The following DENND1B variants were observed in gnomAD, a reference collection of about 807,000 sequenced individuals.
The protein encoded by DENND1B is DENN domain containing 1B.
A neutral mutation model predicts 90.1 loss-of-function variants in DENND1B; 59 were observed. That is an observed-to-expected ratio of 0.65 (90% CI 0.53 to 0.81). The LOEUF (loss-of-function observed/expected upper bound fraction) is 0.81. Among genes scored for constraint, DENND1B ranks in the 40% least tolerant of loss-of-function variants. The pLI, the probability that DENND1B is intolerant of heterozygous loss-of-function variation, is 0.00. For synonymous variants in DENND1B, 337 were observed against 324.6 expected (o/e 1.04, Z -0.41); for missense variants, 862 against 912.6 (o/e 0.94, Z 0.71).
At chr1:197,776,774 G>A (rs754936676), upstream of DENND1B, among the ~76,000 whole-genome samples, 1 of 151,864 alleles carries the variant, frequency 6.6e-6, no homozygotes, top group Non-Finnish European at 1.5e-5. Context: ...TATAGCCATG[G>A]GCCTGTTAGT....
At chr1:197,645,871 G>T in intron 8 of DENND1B, 128 bp from the exon 9 acceptor site, 1 of 542,962 alleles carries the variant, frequency 1.8e-6, no homozygotes, top group Non-Finnish European at 3.1e-6. Flanking sequence ...TTCAGGATTT[G>T]TTGAATTTGA....
chr1:197,582,399 A>C (rs1674321882), intron 15 of DENND1B, among the ~76,000 whole-genome samples: 1 of 152,172 alleles, frequency 6.6e-6, no homozygotes, highest in Non-Finnish European at 1.5e-5. Context: ...CCCTGAGCAC[A>C]GTTTATGACA....
intron 15 of DENND1B, among the ~76,000 whole-genome samples, chr1:197,564,108 A>T (rs544616034): frequency 1.3e-5 from 2 of 152,096 alleles, no homozygotes; most frequent in East Asian, 3.9e-4. Context: ...GATGCTGTGA[A>T]GAGTGTTGAC....
At chr1:197,531,403 T>C (rs1253338354) in intron 20 of DENND1B, among the ~76,000 whole-genome samples, 19 of 950 alleles carry the variant, frequency 0.02, 1 homozygote, top group African/African-American at 0.02. Context: ...TTTTTTTTTT[T>C]TCTTTTTTTT....
chr1:197,638,498 T>G (rs909493044), intron 10 of DENND1B, among the ~76,000 whole-genome samples: 1 of 152,098 alleles, frequency 6.6e-6, no homozygotes, highest in African/African-American at 2.4e-5. Context: ...TGAGACAAAA[T>G]GCACAGCCCC....
In DENND1B at chr1:197,508,733, T is replaced by G. The variant is rs954811283; in HGVS notation, c.*1727A>C. ...AAAAGAAATGTAAAAAAAATCATGA[T>G]TGGGGATGTATAAAGTGGATATACT... On this transcript the variant is annotated 3_prime_UTR_variant, in exon 23 of 23. Coordinates refer to ENST00000620048, the MANE Select transcript of DENND1B (RefSeq NM_001195215.2). 2.0e-5 allele frequency: 3 copies of G among 151,704 alleles called. No individual in the cohort carries two copies. Among genetic ancestry groups the G allele is most frequent in the African/African-American group, 4.8e-5 (2 of 41,364 alleles). 9.4% of individuals were successfully genotyped at this position (151,704 alleles called of 1,614,324 possible).
intron 10 of DENND1B, among the ~76,000 whole-genome samples, chr1:197,640,289 A>G (rs1433566423): frequency 1.3e-5 from 2 of 152,072 alleles, no homozygotes; most frequent in African/African-American, 4.8e-5. Context: ...CCTGACCAAC[A>G]TAGTGAAACC....
chr1:197,628,195 C>CA (rs1678963999), intron 10 of DENND1B, among the ~76,000 whole-genome samples: 1 of 151,868 alleles, frequency 6.6e-6, no homozygotes, highest in Non-Finnish European at 1.5e-5. Flanking sequence ...CATATAGAAC[C>CA]AAAAAAGAGC....
chr1:197,640,990 A>G (rs1034867175), intron 10 of DENND1B, among the ~76,000 whole-genome samples: 1 of 152,222 alleles, frequency 6.6e-6, no homozygotes. Flanking sequence ...CCTTCCTTAC[A>G]TAAAATGGAA....
At chr1:197,607,581 A>G (rs573651593) in intron 12 of DENND1B, among the ~76,000 whole-genome samples, 1 of 150,994 alleles carries the variant, frequency 6.6e-6, no homozygotes, top group Non-Finnish European at 1.5e-5. Context: ...ACATAAACCA[A>G]TAACTATGAC....
intron 14 of DENND1B, among the ~76,000 whole-genome samples, chr1:197,583,648 G>A (rs567532589): frequency 3.9e-4 from 59 of 152,168 alleles, no homozygotes; most frequent in African/African-American, 1.3e-3. Context: ...TTTGACATTC[G>A]CACTTAGTTG....
At chr1:197,539,566 A>G (rs1051696273) in intron 20 of DENND1B, among the ~76,000 whole-genome samples, 2 of 152,234 alleles carry the variant, frequency 1.3e-5, no homozygotes, top group Non-Finnish European at 2.9e-5. Flanking sequence ...ATAGACTTAT[A>G]GTAGTTCAGA....
intron 1 of DENND1B, chr1:197,774,721 AACC>A: frequency 6.4e-6 from 1 of 156,770 alleles, no homozygotes; most frequent in Admixed American, 6.5e-5. Flanking sequence ...TCGGAATAAT[AACC>A]TCTTAACCTC....
intron 16 of DENND1B, among the ~76,000 whole-genome samples, chr1:197,551,738 C>T (rs977610008): frequency 1.3e-5 from 2 of 151,980 alleles, no homozygotes; most frequent in Non-Finnish European, 2.9e-5. Flanking sequence ...ATGTAAATAC[C>T]GAATAGATGC....
chr1:197,732,315 G>A (rs765038778), intron 2 of DENND1B, among the ~76,000 whole-genome samples: 1 of 152,056 alleles, frequency 6.6e-6, no homozygotes, highest in Admixed American at 6.6e-5. Context: ...TGTGTTTCAC[G>A]TGTTCTTCTT....
chr1:197,747,005 C>T, intron 2 of DENND1B: 1 of 900,802 alleles, frequency 1.1e-6, no homozygotes, highest in Non-Finnish European at 1.9e-6. Flanking sequence ...CCTGATTTCT[C>T]AACATTTTTC....
intron 2 of DENND1B, among the ~76,000 whole-genome samples, chr1:197,727,699 G>A (rs1661774642): frequency 6.6e-6 from 1 of 152,090 alleles, no homozygotes; most frequent in Non-Finnish European, 1.5e-5. Context: ...AGTTCACAAA[G>A]ATAATTTGTC....
At chr1:197,682,912 C>G (rs1242335654) in intron 3 of DENND1B, among the ~76,000 whole-genome samples, 2 of 152,154 alleles carry the variant, frequency 1.3e-5, no homozygotes, top group Non-Finnish European at 2.9e-5. Context: ...GGTAAGGAAA[C>G]CATTCCTCCT....
At position 197,553,037 on chromosome 1, in the gene DENND1B, C is replaced by A. The variant is rs780178066; in HGVS notation, c.1225G>T (p.Gly409Cys). 6.4e-7 allele frequency: 1 copy of A among 1,570,852 alleles called. No homozygotes were observed. The highest frequency in any genetic ancestry group is 2.0e-5 in the Admixed American group (1 of 48,958). ...SDVFEEEITS[G>C]GFCGGNPRSY... ...TTGTCTTTACCTCCACAAAAGCCACCTGAAGTGATCTCTTCTTCAAATACA... is the reference window on the plus strand; with the variant it reads ...TTGTCTTTACCTCCACAAAAGCCACATGAAGTGATCTCTTCTTCAAATACA... Residue 409 changes from glycine to cysteine, a missense_variant, in exon 16 of 23, where the codon GGT becomes TGT. Coordinates refer to ENST00000620048, the MANE Select transcript of DENND1B (RefSeq NM_001195215.2).
Sources: gnomAD v4.1 joint callset for allele counts (sites outside exome capture counted in the v4.1 genomes callset) on GRCh38, gnomAD v4.1.1 for gene constraint, MANE v1.5 for transcripts, NCBI Gene and HGNC (gene_info 2026-07-23, HGNC 2026-07-21) for gene names.